Variants in SRL observed in about 807,000 individuals in gnomAD.
SRL encodes sarcalumenin.
SRL carries 23 observed loss-of-function variants against 39.5 expected under a neutral mutation model. The ratio of observed to expected loss-of-function variants is 0.58; its 90% CI spans 0.42 to 0.82. The LOEUF is 0.82. Among genes scored for constraint, SRL ranks in the 40% least tolerant of loss-of-function variants. The pLI is 0.00. For synonymous variants in SRL, 272 were observed against 237.4 expected, an observed-to-expected ratio of 1.15 and a Z score of -1.34; for missense variants, 592 against 607.8, an observed-to-expected ratio of 0.97 and a Z score of 0.27.
intron 1 of SRL, chr16:4,206,971 C>A (rs2052327902): frequency 2.2e-6 from 1 of 455,870 alleles, no homozygotes; most frequent in Non-Finnish European, 4.4e-6. Flanking sequence ...GGCTCCCCGC[C>A]TTCCTGTGGC....
intron 3 of SRL, among the ~76,000 whole-genome samples, chr16:4,201,965 A>AT (rs896467869): frequency 6.6e-6 from 1 of 151,696 alleles, no homozygotes; most frequent in Non-Finnish European, 1.5e-5. Context: ...TAATTTTTGT[A>AT]TTTTTTGTAG....
chr16:4,208,187 C>G (rs769960202), intron 1 of SRL: 5 of 371,070 alleles, frequency 1.3e-5, no homozygotes, highest in Admixed American at 7.1e-5. Flanking sequence ...ACCTAGCTCC[C>G]GTCTTCTGGG....
intron 1 of SRL, 104 bp downstream of exon 1, chr16:4,241,903 T>C: frequency 8.1e-7 from 1 of 1,235,828 alleles, no homozygotes; most frequent in South Asian, 1.3e-5. Context: ...AGAGCCAGGG[T>C]TTGCCATCAG....
intron 1 of SRL, among the ~76,000 whole-genome samples, chr16:4,223,911 C>T (rs983220597): frequency 2.4e-4 from 37 of 152,164 alleles, no homozygotes; most frequent in African/African-American, 8.7e-4. Context: ...AGGCGGCCAA[C>T]AAAAGCTGAT....
chr16:4,206,747 C>T, intron 1 of SRL: 1 of 407,494 alleles, frequency 2.5e-6, no homozygotes, highest in Non-Finnish European at 4.8e-6. Context: ...AATGATGGGA[C>T]TCTCCCTCCC....
In SRL at chr16:4,221,830, GC is replaced by G. The variant is rs547274164; in HGVS notation, c.62-17197del. On this transcript the variant is annotated intron_variant, in intron 1 of 5. Transcript: ENST00000399609. ...GTTGCCTCTCTAGCTTCTGGTGTTTGCCAGCAACTCTTGGCTTGTGGCTGCG... is the reference window on the plus strand; with the variant it reads ...GTTGCCTCTCTAGCTTCTGGTGTTTGCAGCAACTCTTGGCTTGTGGCTGCG... Among the ~76,000 whole-genome samples, 5 of 152,250 alleles carry G rather than the reference GC, an allele frequency of 3.3e-5. No individual in the cohort carries two copies. In the South Asian group the frequency reaches 1.0e-3, roughly 32 times the overall value.
At chr16:4,197,302 T>A (rs1464563510) in intron 4 of SRL, among the ~76,000 whole-genome samples, 1 of 151,798 alleles carries the variant, frequency 6.6e-6, no homozygotes, top group African/African-American at 2.4e-5. Context: ...ACTCCTGACC[T>A]CAGGTCATCC....
chr16:4,205,552 C>T (rs1428170059), intron 1 of SRL, among the ~76,000 whole-genome samples: 2 of 130,980 alleles, frequency 1.5e-5, no homozygotes, highest in Non-Finnish European at 1.6e-5. Context: ...CAGAGAAGGC[C>T]TCCCCAGGTC....
chr16:4,190,542 C>T lies in SRL; in HGVS notation c.*1611G>A, dbSNP rs781458012. 26 of 398,716 alleles carry T rather than the reference C, an allele frequency of 6.5e-5. No individual in the cohort carries two copies. The highest frequency in any genetic ancestry group is 9.3e-5 in the Non-Finnish European group (21 of 226,372). The allele number at this position is 398,716 out of a possible 1,614,324, so 24.7% of individuals were successfully genotyped here. On this transcript the variant is annotated 3_prime_UTR_variant, in exon 6 of 6. Coordinates refer to ENST00000399609, the MANE Select transcript of SRL (RefSeq NM_001098814.2). ...CTTCCCTGCAGGTCCTGCCCCTCTGCTCCCCACCACCTGCTGTGGAGCCGT... is the reference window on the plus strand; with the variant it reads ...CTTCCCTGCAGGTCCTGCCCCTCTGTTCCCCACCACCTGCTGTGGAGCCGT...
intron 1 of SRL, among the ~76,000 whole-genome samples, chr16:4,211,131 A>G (rs2141042984): frequency 6.6e-6 from 1 of 152,136 alleles, no homozygotes; most frequent in East Asian, 1.9e-4. Flanking sequence ...TTTGATTTAA[A>G]TAATCCAGGG....
rs2052132042 is a variant in SRL, at chr16:4,195,777, G to C, written c.386C>G (p.Pro129Arg). The C allele has an allele frequency of 6.2e-7, 1 of 1,613,502 alleles. No individual in the cohort carries two copies. ...GAGGACCGTGAACTCAGAGGTGGTG[G>C]GTTCAGCGCCTGGGCACACGGGGTG... Reference protein sequence around the residue: ...TRYQLYTGAEPTTSEFTVLMH... With the variant: ...TRYQLYTGAERTTSEFTVLMH... Residue 129 changes from proline to arginine, a missense_variant, in exon 5 of 6, where the codon CCC becomes CGC. Pro to Arg is a moderately radical substitution (Grantham distance 103). Transcript: ENST00000399609.
intron 1 of SRL, among the ~76,000 whole-genome samples, chr16:4,206,126 A>G (rs72764678): frequency 6.6e-6 from 1 of 152,054 alleles, no homozygotes; most frequent in African/African-American, 2.4e-5. Flanking sequence ...CAATTCTCAC[A>G]CTGCCCGAGA....
intron 5 of SRL, among the ~76,000 whole-genome samples, 155 bp downstream of exon 5, chr16:4,195,398 A>G (rs1347987516): frequency 1.3e-5 from 2 of 151,902 alleles, no homozygotes; most frequent in Non-Finnish European, 2.9e-5. Context: ...AGGTTTCACT[A>G]TGTTGCTCAG....
chr16:4,223,908 C>T (rs2052558474), intron 1 of SRL, among the ~76,000 whole-genome samples: 1 of 152,066 alleles, frequency 6.6e-6, no homozygotes, highest in South Asian at 2.1e-4. Context: ...CACAGGCGGC[C>T]AACAAAAGCT....
intron 1 of SRL, among the ~76,000 whole-genome samples, chr16:4,219,593 G>T (rs2052498250): frequency 1.3e-5 from 2 of 152,164 alleles, no homozygotes; most frequent in South Asian, 4.1e-4. Context: ...GAGTAGCTGG[G>T]ACTACAGGTG....
intron 1 of SRL, among the ~76,000 whole-genome samples, chr16:4,230,381 AT>A (rs5815199): frequency 0.23 from 31,522 of 138,592 alleles, 3,399 homozygotes; most frequent in Middle Eastern, 0.36. Flanking sequence ...TCAGAATGTG[AT>A]TTTTTTTTTT....
At chr16:4,238,722 A>G (rs1256675356) in intron 1 of SRL, among the ~76,000 whole-genome samples, 1 of 150,566 alleles carries the variant, frequency 6.6e-6, no homozygotes, top group African/African-American at 2.5e-5. Flanking sequence ...ACCCAGGTTC[A>G]TGTGATCCTC....
chr16:4,237,710 C>T (rs570812013), intron 1 of SRL, among the ~76,000 whole-genome samples: 67 of 152,190 alleles, frequency 4.4e-4, no homozygotes, highest in Non-Finnish European at 8.4e-4. Flanking sequence ...ACCAGAGCCC[C>T]GTTGCTCTGG....
At chr16:4,209,715 G>C (rs2098037364) in intron 1 of SRL, among the ~76,000 whole-genome samples, 1 of 152,180 alleles carries the variant, frequency 6.6e-6, no homozygotes, top group Non-Finnish European at 1.5e-5. Flanking sequence ...TATTATAGAG[G>C]AGCCCCGTGG....
Sources: allele counts gnomAD v4.1 joint callset (sites outside exome capture counted in the v4.1 genomes callset), GRCh38; gene constraint gnomAD v4.1.1; transcripts MANE v1.5; gene names NCBI Gene and HGNC (gene_info 2026-07-23, HGNC 2026-07-21).